NKAIN1: variants seen among roughly 807,000 people sequenced by gnomAD.
NKAIN1 encodes the protein sodium/potassium-transporting ATPase subunit beta-1-interacting protein 1.
NKAIN1 carries 13 observed loss-of-function variants against 31.6 expected under a neutral mutation model. The observed-to-expected ratio is 0.41, with a 90% CI of 0.27 to 0.65. The LOEUF (loss-of-function observed/expected upper bound fraction) is 0.65. Among genes scored for constraint, NKAIN1 ranks in the 30% least tolerant of loss-of-function variants. The pLI is 0.30. For synonymous variants in NKAIN1, 104 were observed against 109.0 expected, an observed-to-expected ratio of 0.95 and a Z score of 0.28; for missense variants, 193 against 262.2, an observed-to-expected ratio of 0.74 and a Z score of 1.82.
At chr1:31,182,398 C>T in intron 5 of NKAIN1, 132 bp downstream of exon 5, 2 of 942,872 alleles carry the variant, frequency 2.1e-6, no homozygotes, top group South Asian at 3.1e-5. Context: ...CCATACCAGC[C>T]GCCTCTTCCC....
At chr1:31,214,791 G>A (rs1051351876) in intron 1 of NKAIN1, among the ~76,000 whole-genome samples, 12 of 152,240 alleles carry the variant, frequency 7.9e-5, no homozygotes, top group Admixed American at 3.3e-4. Flanking sequence ...GAGGGAGATG[G>A]ACATAATAGC....
intron 1 of NKAIN1, among the ~76,000 whole-genome samples, chr1:31,190,156 G>A: frequency 6.6e-6 from 1 of 152,304 alleles, no homozygotes; most frequent in South Asian, 2.1e-4. Flanking sequence ...GATATAAGAA[G>A]CCTTTTTCCA....
intron 1 of NKAIN1, among the ~76,000 whole-genome samples, chr1:31,200,458 CTT>C (rs3081712): frequency 7.4e-5 from 9 of 121,860 alleles, no homozygotes; most frequent in Admixed American, 9.2e-5. Flanking sequence ...TCTCCTCTCT[CTT>C]TTTTTTTTTT....
At chr1:31,216,332 G>A (rs1439952637) in intron 1 of NKAIN1, among the ~76,000 whole-genome samples, 1 of 152,136 alleles carries the variant, frequency 6.6e-6, no homozygotes, top group Admixed American at 6.5e-5. Context: ...GCTCTTCACA[G>A]GTGGCATTTC....
chr1:31,204,552 C>T (rs534824974), intron 1 of NKAIN1, among the ~76,000 whole-genome samples: 27 of 152,246 alleles, frequency 1.8e-4, no homozygotes, highest in Non-Finnish European at 2.9e-4. Context: ...AAGAAGGTGC[C>T]CTCCAAAGAG....
chr1:31,181,429 T>G lies in NKAIN1; in HGVS notation c.*274A>C. On this transcript the variant is annotated 3_prime_UTR_variant, in exon 7 of 7. Coordinates refer to ENST00000373736, the MANE Select transcript of NKAIN1 (RefSeq NM_024522.3). The stretch of plus-strand genomic sequence containing the variant: ...GCCCCAGCTCACGCCAAGGCTGAGA[T>G]TAAAAACAAACAAACAAAAAACAAA... 2.6e-6 allele frequency: 1 copy of G among 386,388 alleles called. No individual in the cohort carries two copies. Among genetic ancestry groups the G allele is most frequent in the Non-Finnish European group, 4.6e-6 (1 of 218,220 alleles). The allele number at this position is 386,388 out of a possible 1,614,324, so 23.9% of individuals were successfully genotyped here. A position where few individuals can be genotyped will look rare whatever the true frequency, so the allele number is the denominator to read the frequency against.
chr1:31,193,578 C>T (rs575238445), intron 1 of NKAIN1, among the ~76,000 whole-genome samples: 4 of 151,958 alleles, frequency 2.6e-5, no homozygotes, highest in African/African-American at 9.6e-5. Flanking sequence ...CACCTGTAAT[C>T]CCAGCTACTC....
At chr1:31,184,557 C>T (rs1645228017) in intron 3 of NKAIN1, among the ~76,000 whole-genome samples, 1 of 152,164 alleles carries the variant, frequency 6.6e-6, no homozygotes, top group South Asian at 2.1e-4. Context: ...CATGAAGTTG[C>T]AGTTGCTCTT....
At chr1:31,184,333 T>C (rs546895676) in intron 3 of NKAIN1, among the ~76,000 whole-genome samples, 1 of 152,124 alleles carries the variant, frequency 6.6e-6, no homozygotes, top group African/African-American at 2.4e-5. Flanking sequence ...CTGCTCCCCC[T>C]GTGTGCGACC....
chr1:31,208,956 G>A (rs190194751), intron 1 of NKAIN1, among the ~76,000 whole-genome samples: 1 of 152,144 alleles, frequency 6.6e-6, no homozygotes, highest in Admixed American at 6.5e-5. Context: ...CACCTCCCAG[G>A]GGGTGGGAGT....
intron 1 of NKAIN1, among the ~76,000 whole-genome samples, chr1:31,213,736 T>C (rs1003536105): frequency 4.6e-5 from 7 of 152,190 alleles, no homozygotes; most frequent in African/African-American, 1.7e-4. Flanking sequence ...GGCTCACACC[T>C]GTAATCCCAG....
intron 1 of NKAIN1, among the ~76,000 whole-genome samples, chr1:31,209,331 C>T (rs1557656938): frequency 1.3e-5 from 2 of 151,956 alleles, no homozygotes; most frequent in African/African-American, 2.4e-5. Flanking sequence ...GCCGAGATTG[C>T]GCCACTGCAC....
Position 31,181,099 on chromosome 1 carries a change from A to C in NKAIN1, c.*604T>G, listed in dbSNP as rs1645193654. 1 of 152,306 alleles carries C rather than the reference A, an allele frequency of 6.6e-6. No individual in the cohort carries two copies. Among genetic ancestry groups the C allele is most frequent in the Non-Finnish European group, 1.5e-5 (1 of 68,104 alleles). 9.4% of individuals were successfully genotyped at this position (152,306 alleles called of 1,614,324 possible). The stretch of plus-strand genomic sequence containing the variant: ...TAATGTACTGCAAAATGAGAATTTT[A>C]ATCCCAGTCTAGCTCAGGGAATTGA... On this transcript the variant is annotated 3_prime_UTR_variant, in exon 7 of 7. Transcript: ENST00000373736.
chr1:31,231,297 C>T (rs1050413505), intron 1 of NKAIN1, among the ~76,000 whole-genome samples: 3 of 151,074 alleles, frequency 2.0e-5, no homozygotes, highest in African/African-American at 4.9e-5. Context: ...CCCCACTCCC[C>T]GACTACCTTT....
intron 1 of NKAIN1, among the ~76,000 whole-genome samples, chr1:31,227,329 A>T (rs1276503284): frequency 6.6e-6 from 1 of 152,164 alleles, no homozygotes; most frequent in Non-Finnish European, 1.5e-5. Context: ...TGTTGTGAGG[A>T]TGACCTCAGG....
rs997352738 is a variant in NKAIN1, at chr1:31,189,820, C to T, written c.55-1633G>A. ...ATTTGCTGGAACAATCAGAACAGAG[C>T]TGCTATCCTGCCAGGATACCTGAAT... is the stretch of plus-strand genomic sequence containing the variant. On this transcript the variant is annotated intron_variant, in intron 1 of 6. Coordinates refer to ENST00000373736, the MANE Select transcript of NKAIN1 (RefSeq NM_024522.3). Among the ~76,000 whole-genome samples, 4 of 152,228 alleles carry T rather than the reference C, an allele frequency of 2.6e-5. No homozygotes were observed. In the South Asian group the frequency reaches 8.3e-4, roughly 31 times the overall value.
intron 1 of NKAIN1, among the ~76,000 whole-genome samples, chr1:31,212,607 G>C (rs530862091): frequency 6.6e-6 from 1 of 152,040 alleles, no homozygotes. Flanking sequence ...GTGTCACCAT[G>C]TTGCCCACAC....
chr1:31,201,925 G>A (rs1296529876), intron 1 of NKAIN1, among the ~76,000 whole-genome samples: 2 of 152,120 alleles, frequency 1.3e-5, no homozygotes, highest in Non-Finnish European at 2.9e-5. Context: ...ACAGGTCCTG[G>A]ACCCCCAATC....
chr1:31,218,020 C>CT (rs1327773486), intron 1 of NKAIN1, among the ~76,000 whole-genome samples: 1 of 73,814 alleles, frequency 1.4e-5, no homozygotes, highest in Non-Finnish European at 2.4e-5. Flanking sequence ...CTACCATTTT[C>CT]TTTCTTTCTT....
Sources: allele counts gnomAD v4.1 joint callset (sites outside exome capture counted in the v4.1 genomes callset), GRCh38; gene constraint gnomAD v4.1.1; transcripts MANE v1.5; gene names NCBI Gene and HGNC (gene_info 2026-07-23, HGNC 2026-07-21).